The following RELN variants were observed in gnomAD, a reference collection of about 807,000 sequenced individuals.
RELN encodes reelin.
RELN carries 108 observed loss-of-function variants against 427.6 expected under a neutral mutation model. The observed-to-expected ratio is 0.25, with a 90% CI of 0.22 to 0.30. The LOEUF (loss-of-function observed/expected upper bound fraction) is 0.30. RELN is among the 10% of genes least tolerant of loss of function. The pLI, the probability that RELN is intolerant of heterozygous loss-of-function variation, is 1.00. For missense variants in RELN, 3,715 were observed against 4,302.8 expected, an observed-to-expected ratio of 0.86 and a Z score of 3.82; for synonymous variants, 1,524 against 1,513.4, an observed-to-expected ratio of 1.01 and a Z score of -0.16.
At chr7:103,816,530 A>AACACACACACAC (rs57873981) in intron 3 of RELN, among the ~76,000 whole-genome samples, 1,958 of 143,690 alleles carry the variant, frequency 0.014, 26 homozygotes, top group African/African-American at 0.029. Flanking sequence ...TTTCTCTAGA[A>AACACACACACAC]ACACACACAC....
intron 2 of RELN, among the ~76,000 whole-genome samples, chr7:103,909,743 AAATATATATATT>A (rs1563084951): frequency 0.088 from 3,559 of 40,268 alleles, 501 homozygotes; most frequent in East Asian, 0.4. Flanking sequence ...TAATATATAT[AAATATATATATT>A]AAATATATAT....
chr7:103,580,319 T>C (rs1205307373), intron 28 of RELN, among the ~76,000 whole-genome samples: 1 of 152,206 alleles, frequency 6.6e-6, no homozygotes, highest in Non-Finnish European at 1.5e-5. Flanking sequence ...TGTTCTTCAG[T>C]TGAGGGCTCT....
At chr7:103,706,164 T>C (rs1834194983) in intron 8 of RELN, among the ~76,000 whole-genome samples, 1 of 151,968 alleles carries the variant, frequency 6.6e-6, no homozygotes, top group Non-Finnish European at 1.5e-5. Flanking sequence ...AGCCCACCTA[T>C]TTGTTAGCAT....
intron 15 of RELN, 28 bp downstream of exon 15, chr7:103,651,633 T>G: frequency 6.2e-7 from 1 of 1,604,600 alleles, no homozygotes. Context: ...ATTCAAGTAT[T>G]TCAATATCTC....
rs796747077 is a variant in RELN, at chr7:103,559,107, ATAT to A, written c.5530-1061_5530-1059del. Reference sequence around the variant, plus strand: ...AGCACCTAGCACTACTGACAGAAAAATATTATTCTCATATTGCAGATAAGGAAA... The same window carrying A: ...AGCACCTAGCACTACTGACAGAAAAATATTCTCATATTGCAGATAAGGAAA... On this transcript the variant is annotated intron_variant, in intron 36 of 64. Transcript: ENST00000428762. Among the ~76,000 whole-genome samples the A allele has an allele frequency of 5.8e-4, 89 of 152,316 alleles. 1 individual carries two copies. Among genetic ancestry groups the A allele is most frequent in the African/African-American group, 2.1e-3 (89 of 41,578 alleles).
At position 103,976,558 on chromosome 7, in the gene RELN, A is replaced by G. The variant is rs576900760; in HGVS notation, c.226+12573T>C. 5.1e-4 allele frequency among the ~76,000 whole-genome samples: 77 copies of G among 152,290 alleles called. 1 individual carries two copies. In the South Asian group the frequency reaches 0.016, roughly 31 times the overall value. ...AGAAAAAAGATTTTGAGATGAAACA[A>G]TTGTAGGAACGGAGTTGGCCTTAAT... On this transcript the variant is annotated intron_variant, in intron 1 of 64. Coordinates refer to ENST00000428762, the MANE Select transcript of RELN (RefSeq NM_005045.4).
At position 103,654,222 on chromosome 7, in the gene RELN, T is replaced by C. The variant is rs998415469; in HGVS notation, c.1442-17A>G. 1 of 1,439,876 alleles carries C rather than the reference T, an allele frequency of 6.9e-7. No individual in the cohort carries two copies. The highest frequency in any genetic ancestry group is 1.8e-4 in the Middle Eastern group (1 of 5,626). The allele number at this position is 1,439,876 out of a possible 1,614,324, so 89.2% of individuals were successfully genotyped here. A position where few individuals can be genotyped will look rare whatever the true frequency, so the allele number is the denominator to read the frequency against. ...AAATTCCTCCTGCACAAAACAAAAA[T>C]TTTAAGTTGCTAGTACCAACTAGCA... On this transcript the variant is annotated splice_polypyrimidine_tract_variant and intron_variant, in intron 12 of 64. Coordinates refer to ENST00000428762, the MANE Select transcript of RELN (RefSeq NM_005045.4).
intron 6 of RELN, among the ~76,000 whole-genome samples, chr7:103,731,295 C>T (rs908500250): frequency 2.0e-5 from 3 of 152,070 alleles, no homozygotes; most frequent in African/African-American, 4.8e-5. Context: ...GAAATTATGA[C>T]ACACAGCTGA....
At chr7:103,942,891 G>C (rs1446737340) in intron 1 of RELN, among the ~76,000 whole-genome samples, 1 of 150,444 alleles carries the variant, frequency 6.6e-6, no homozygotes, top group Non-Finnish European at 1.5e-5. Context: ...CAGCCTGGGC[G>C]ACAGAGCAAG....
At chr7:103,803,278 T>C (rs910313994) in intron 3 of RELN, among the ~76,000 whole-genome samples, 1 of 152,162 alleles carries the variant, frequency 6.6e-6, no homozygotes, top group Non-Finnish European at 1.5e-5. Flanking sequence ...TTCACACTAA[T>C]GTACTCACAG....
At chr7:103,638,273 A>T (rs752484785) in intron 17 of RELN, among the ~76,000 whole-genome samples, 13 of 152,114 alleles carry the variant, frequency 8.5e-5, no homozygotes, top group Non-Finnish European at 1.8e-4. Context: ...TACATGGATG[A>T]CACTCGTGAA....
At chr7:103,704,399 CA>C (rs1427427993) in intron 8 of RELN, among the ~76,000 whole-genome samples, 1 of 151,948 alleles carries the variant, frequency 6.6e-6, no homozygotes, top group Non-Finnish European at 1.5e-5. Context: ...CATGTAATTA[CA>C]AAAAAATAGG....
chr7:103,777,457 T>G (rs190664705), intron 3 of RELN, among the ~76,000 whole-genome samples: 1 of 152,198 alleles, frequency 6.6e-6, no homozygotes, highest in South Asian at 2.1e-4. Context: ...AAAATTAGCA[T>G]GAAATCTTAA....
chr7:103,699,143 A>G (rs1291703601), intron 9 of RELN, among the ~76,000 whole-genome samples: 2 of 152,172 alleles, frequency 1.3e-5, no homozygotes, highest in African/African-American at 4.8e-5. Context: ...TGTAGTAAAA[A>G]TGATTGCCTT....
chr7:103,619,786 C>T (rs1832173794), intron 20 of RELN, among the ~76,000 whole-genome samples: 2 of 151,978 alleles, frequency 1.3e-5, no homozygotes, highest in Non-Finnish European at 2.9e-5. Flanking sequence ...CTGCAGGAGA[C>T]CATGCACCCA....
intron 1 of RELN, among the ~76,000 whole-genome samples, chr7:103,935,789 A>G (rs943369879): frequency 2.0e-5 from 3 of 152,202 alleles, no homozygotes; most frequent in Admixed American, 6.5e-5. Flanking sequence ...TGGAGTTCAG[A>G]GACATCAGTG....
intron 11 of RELN, among the ~76,000 whole-genome samples, chr7:103,679,640 CCT>C (rs757210873): frequency 2.0e-5 from 3 of 151,994 alleles, no homozygotes; most frequent in Non-Finnish European, 2.9e-5. Context: ...CTCTGATGTT[CCT>C]CTGTGTCCAT....
chr7:103,617,644 TG>T (rs930047523), intron 20 of RELN, among the ~76,000 whole-genome samples: 5 of 151,980 alleles, frequency 3.3e-5, no homozygotes, highest in Admixed American at 1.3e-4. Flanking sequence ...TATATACATG[TG>T]TGTATATATA....
chr7:103,478,503 C>G, intron 63 of RELN, 109 bp from the exon 64 acceptor site: 1 of 696,982 alleles, frequency 1.4e-6, no homozygotes, highest in East Asian at 2.7e-5. Flanking sequence ...CAGGTTTAGA[C>G]GCAATATAGG....
Sources: allele counts gnomAD v4.1 joint callset (sites outside exome capture counted in the v4.1 genomes callset), GRCh38; gene constraint gnomAD v4.1.1; transcripts MANE v1.5; gene names NCBI Gene and HGNC (gene_info 2026-07-23, HGNC 2026-07-21).